AP1B1: variants seen among roughly 807,000 people sequenced by gnomAD.
AP1B1 encodes AP-1 complex subunit beta-1.
A neutral mutation model predicts 104.3 loss-of-function variants in AP1B1; 36 were observed. The observed-to-expected ratio is 0.35, with a 90% CI of 0.26 to 0.46. The LOEUF (loss-of-function observed/expected upper bound fraction) is 0.46, where lower values mean the gene tolerates loss of function less well. Ranked by LOEUF, AP1B1 falls within the 20% of genes least tolerant of loss-of-function variation. The pLI, the probability that AP1B1 is intolerant of heterozygous loss-of-function variation, is 1.00. For synonymous variants in AP1B1, 504 were observed against 517.5 expected (o/e 0.97, Z 0.35); for missense variants, 901 against 1,247.9 (o/e 0.72, Z 4.19).
Position 29,358,819 on chromosome 22 carries a change from G to A in AP1B1, c.432C>T (p.Cys144=), listed in dbSNP as rs761252378. Residue 144 remains cysteine (C), a synonymous_variant, in exon 5 of 23, where the codon TGC becomes TGT. Coordinates refer to ENST00000357586, the MANE Select transcript of AP1B1 (RefSeq NM_001127.4). ...DPYVRKTAAV[C]VAKLHDINAQ... ...CGTTGATGTCGTGGAGCTTGGCCACGCACACAGCTGCTGTCTTGCGCACAT... is the reference window on the plus strand; with the variant it reads ...CGTTGATGTCGTGGAGCTTGGCCACACACACAGCTGCTGTCTTGCGCACAT... The A allele has an allele frequency of 8.1e-6, 13 of 1,614,126 alleles. No individual in the cohort carries two copies. The highest frequency in any genetic ancestry group is 8.5e-6 in the Non-Finnish European group (10 of 1,180,058).
In AP1B1 at chr22:29,339,646, A is replaced by AGGT. The variant is rs564411943; in HGVS notation, c.2019+105_2019+107dup. ...TGCTGGACCAAGGCAGGGGCTCAGC[A>AGGT]GGTGGAGGCTGCTGTGACATCACCC... On this transcript the variant is annotated intron_variant, in intron 15 of 22. Coordinates refer to ENST00000357586, the MANE Select transcript of AP1B1 (RefSeq NM_001127.4). The AGGT allele has an allele frequency of 2.6e-5, 31 of 1,189,632 alleles. No homozygotes were observed. In the South Asian group the frequency reaches 4.0e-4, roughly 15 times the overall value. The allele number at this position is 1,189,632 out of a possible 1,614,324, so 73.7% of individuals were successfully genotyped here.
At chr22:29,345,762 G>A (rs949848689) in intron 11 of AP1B1, among the ~76,000 whole-genome samples, 4 of 152,116 alleles carry the variant, frequency 2.6e-5, no homozygotes, top group African/African-American at 7.2e-5. Flanking sequence ...TCGGCTTACC[G>A]CAACCTCCGC....
At chr22:29,374,070 G>A (rs2062291500) in intron 1 of AP1B1, among the ~76,000 whole-genome samples, 1 of 151,586 alleles carries the variant, frequency 6.6e-6, no homozygotes, top group South Asian at 2.1e-4. Context: ...TGGTGGCGGT[G>A]CATGCCTGTA....
chr22:29,364,545 G>C (rs981333522), intron 2 of AP1B1, among the ~76,000 whole-genome samples: 1 of 151,590 alleles, frequency 6.6e-6, no homozygotes, highest in African/African-American at 2.4e-5. Flanking sequence ...CAGCATACCG[G>C]GTAGCTGGGA....
chr22:29,334,932 C>G (rs1214755638), intron 16 of AP1B1, among the ~76,000 whole-genome samples: 1 of 152,212 alleles, frequency 6.6e-6, no homozygotes. Flanking sequence ...CTAAGAGGAC[C>G]CCTCGCCTGG....
intron 1 of AP1B1, among the ~76,000 whole-genome samples, chr22:29,370,343 C>T: frequency 6.6e-6 from 1 of 151,550 alleles, no homozygotes; most frequent in Non-Finnish European, 1.5e-5. Flanking sequence ...GTCCCAGCTA[C>T]TCGGGAGGCT....
chr22:29,334,711 T>C (rs566899213), intron 16 of AP1B1, among the ~76,000 whole-genome samples: 7 of 151,356 alleles, frequency 4.6e-5, no homozygotes, highest in South Asian at 4.2e-4. Context: ...ACTTGGGAAG[T>C]AGGGCTGAGG....
In AP1B1 at chr22:29,354,658, C is replaced by A. The variant is rs1404632623; in HGVS notation, c.930G>T (p.Val310=). 1 of 1,614,052 alleles carries A rather than the reference C, an allele frequency of 6.2e-7. No individual in the cohort carries two copies. The highest frequency in any genetic ancestry group is 1.1e-5 in the South Asian group (1 of 91,080). ...YVALRNINLI[V]QKRPEILKHE... ...TGTGGTGACCTCAGTACCTTTTCTG[C>A]ACGATGAGATTGATGTTGCGCAGGG... The change falls in exon 7 of 23, where the codon GTG becomes GTT. Residue 310 remains valine (V), a synonymous_variant. Transcript: ENST00000357586.
chr22:29,338,132 A>G (rs1387421531), intron 16 of AP1B1, among the ~76,000 whole-genome samples: 1 of 152,140 alleles, frequency 6.6e-6, no homozygotes, highest in Non-Finnish European at 1.5e-5. Context: ...GGAGTCAGGG[A>G]TGCTGGACAT....
Position 29,356,057 on chromosome 22 carries a change from A to G in AP1B1, c.716+369T>C, listed in dbSNP as rs58759678. On this transcript the variant is annotated intron_variant, in intron 6 of 22. Transcript: ENST00000357586. ...CTCATCTGGAAAGTGGGGGATGATG[A>G]TAAAAGTTGCATTAAAGACTCTAAA... Among the ~76,000 whole-genome samples the G allele has an allele frequency of 5.3e-3, 804 of 152,280 alleles. 6 individuals carry two copies. Among genetic ancestry groups the G allele is most frequent in the African/African-American group, 0.018 (766 of 41,548 alleles).
chr22:29,343,013 C>G (rs2061737427), intron 11 of AP1B1, among the ~76,000 whole-genome samples: 1 of 152,200 alleles, frequency 6.6e-6, no homozygotes, highest in South Asian at 2.1e-4. Flanking sequence ...CCACCAGTTG[C>G]TGGCTATCCT....
At chr22:29,335,045 T>C (rs1382934546) in intron 16 of AP1B1, among the ~76,000 whole-genome samples, 1 of 152,214 alleles carries the variant, frequency 6.6e-6, no homozygotes, top group Non-Finnish European at 1.5e-5. Context: ...AGTGATGTTA[T>C]GGCAGATAAA....
intron 17 of AP1B1, 81 bp downstream of exon 17, chr22:29,334,184 T>G: frequency 2.5e-5 from 22 of 883,320 alleles, no homozygotes; most frequent in Non-Finnish European, 3.2e-5. Flanking sequence ...CACCCCTGCC[T>G]GCAGTCCCCA....
At chr22:29,383,480 G>A (rs886112674) in intron 1 of AP1B1, among the ~76,000 whole-genome samples, 3 of 152,100 alleles carry the variant, frequency 2.0e-5, no homozygotes, top group African/African-American at 7.2e-5. Context: ...GGAGGCTGAG[G>A]TGGGCGGATC....
chr22:29,365,153 G>A (rs1220785647), intron 2 of AP1B1, among the ~76,000 whole-genome samples: 5 of 152,138 alleles, frequency 3.3e-5, no homozygotes, highest in Non-Finnish European at 7.3e-5. Context: ...GCTGGTAGGG[G>A]GCAGGGCTGA....
chr22:29,364,022 C>A (rs397832710), intron 2 of AP1B1, among the ~76,000 whole-genome samples: 42 of 152,192 alleles, frequency 2.8e-4, no homozygotes, highest in Non-Finnish European at 4.8e-4. Context: ...GGAGCTAAAA[C>A]CCCAGTGGAA....
chr22:29,334,006 A>C (rs547154323), intron 17 of AP1B1, among the ~76,000 whole-genome samples: 1 of 152,190 alleles, frequency 6.6e-6, no homozygotes, highest in Non-Finnish European at 1.5e-5. Flanking sequence ...TGGAGGCCGC[A>C]GTGAGCCGAG....
At chr22:29,367,129 C>G in intron 2 of AP1B1, 78 bp downstream of exon 2, 1 of 1,382,688 alleles carries the variant, frequency 7.2e-7, no homozygotes, top group Non-Finnish European at 1.0e-6. Context: ...CACCCCTACT[C>G]CCTACCGCCA....
At chr22:29,383,195 A>T (rs1371993799) in intron 1 of AP1B1, among the ~76,000 whole-genome samples, 1 of 152,200 alleles carries the variant, frequency 6.6e-6, no homozygotes, top group Non-Finnish European at 1.5e-5. Context: ...TCAGTGTCCC[A>T]GCAGCCAGCC....
Sources: allele counts gnomAD v4.1 joint callset (sites outside exome capture counted in the v4.1 genomes callset), GRCh38; gene constraint gnomAD v4.1.1; transcripts MANE v1.5; gene names NCBI Gene and HGNC (gene_info 2026-07-23, HGNC 2026-07-21).